Variants in LAMA1 observed in about 807,000 individuals in gnomAD.
LAMA1 encodes laminin subunit alpha 1.
Under a neutral mutation model 348.7 loss-of-function variants are expected in LAMA1, and 219 were observed. That is an observed-to-expected ratio of 0.63 (90% confidence interval 0.56 to 0.70). LAMA1 has a LOEUF of 0.70. Among genes scored for constraint, LAMA1 ranks in the 30% least tolerant of loss-of-function variants. The pLI, the probability that LAMA1 is intolerant of heterozygous loss-of-function variation, is 0.00. For missense variants in LAMA1, 3,744 were observed against 3,888.0 expected (o/e 0.96, Z 0.99); for synonymous variants, 1,487 against 1,491.0 (o/e 1.00, Z 0.06).
intron 1 of LAMA1, among the ~76,000 whole-genome samples, chr18:7,116,676 AAT>A (rs2058357759): frequency 6.6e-6 from 1 of 152,178 alleles, no homozygotes; most frequent in African/African-American, 2.4e-5. Context: ...GTTTTCAACA[AAT>A]ATTTGTGACT....
intron 16 of LAMA1, among the ~76,000 whole-genome samples, chr18:7,027,494 G>A (rs917328883): frequency 2.0e-4 from 31 of 151,470 alleles, no homozygotes; most frequent in African/African-American, 6.8e-4. Context: ...TAAAGAGCTG[G>A]GTTTTTTTTT....
chr18:7,018,763 G>C (rs80163436), intron 19 of LAMA1, among the ~76,000 whole-genome samples: 18,193 of 152,112 alleles, frequency 0.12, 1,228 homozygotes, highest in Middle Eastern at 0.18. Context: ...AACAATGTAA[G>C]AAAAAAGAGA....
At chr18:6,978,111 T>C (rs2057690997) in intron 43 of LAMA1, 85 bp downstream of exon 43, 13 of 1,557,320 alleles carry the variant, frequency 8.3e-6, no homozygotes, top group Non-Finnish European at 1.2e-5. Context: ...AGGAATGTTG[T>C]GAAAAACGCA....
chr18:7,040,609 TGTTAA>T (rs1444872871), intron 9 of LAMA1, among the ~76,000 whole-genome samples: 1 of 152,222 alleles, frequency 6.6e-6, no homozygotes, highest in African/African-American at 2.4e-5. Context: ...TTCTTCAAAA[TGTTAA>T]GTTATAGAGT....
At chr18:7,098,681 G>A (rs1284181568) in intron 1 of LAMA1, among the ~76,000 whole-genome samples, 2 of 150,066 alleles carry the variant, frequency 1.3e-5, no homozygotes, top group South Asian at 4.2e-4. Context: ...AGTGAGGAGC[G>A]TCTCCGCCCG....
intron 36 of LAMA1, among the ~76,000 whole-genome samples, chr18:6,992,153 A>G (rs900911493): frequency 1.3e-5 from 2 of 152,226 alleles, no homozygotes; most frequent in Non-Finnish European, 2.9e-5. Flanking sequence ...TATATAACTA[A>G]GCTCAATTAT....
intron 1 of LAMA1, among the ~76,000 whole-genome samples, chr18:7,102,573 T>C (rs546223771): frequency 5.3e-5 from 8 of 152,354 alleles, no homozygotes; most frequent in African/African-American, 1.9e-4. Context: ...TCTCTTTCTG[T>C]TGACGATGAT....
chr18:6,964,578 G>A lies in LAMA1; in HGVS notation c.7337+84C>T. 4.0e-6 allele frequency: 6 copies of A among 1,518,812 alleles called. No individual in the cohort carries two copies. In the South Asian group the frequency reaches 5.6e-5, roughly 14 times the overall value. The allele number at this position is 1,518,812 out of a possible 1,614,324, so 94.1% of individuals were successfully genotyped here. ...TAAATTAGTGTTGTTTAAGCCACCT[G>A]GTTTGTGATACAGTCCATTCTCAGC... is the stretch of plus-strand genomic sequence containing the variant. On this transcript the variant is annotated intron_variant, in intron 51 of 62. Transcript: ENST00000389658.
At chr18:7,092,626 G>GAA (rs35680760) in intron 1 of LAMA1, among the ~76,000 whole-genome samples, 9 of 115,752 alleles carry the variant, frequency 7.8e-5, no homozygotes, top group Non-Finnish European at 1.2e-4. Context: ...TCTGTCTCGG[G>GAA]AAAAAAAAAA....
intron 51 of LAMA1, among the ~76,000 whole-genome samples, chr18:6,964,454 T>C (rs1183876816): frequency 6.6e-6 from 1 of 152,140 alleles, no homozygotes; most frequent in Non-Finnish European, 1.5e-5. Context: ...GACCAGAAGC[T>C]AGGAGCATGG....
At chr18:7,063,825 C>T (rs1247901440) in intron 3 of LAMA1, among the ~76,000 whole-genome samples, 1 of 152,140 alleles carries the variant, frequency 6.6e-6, no homozygotes, top group African/African-American at 2.4e-5. Context: ...TAGACAAAAG[C>T]TGAATGGAGG....
chr18:7,059,186 G>C (rs1234506091), intron 3 of LAMA1, among the ~76,000 whole-genome samples: 1 of 152,126 alleles, frequency 6.6e-6, no homozygotes, highest in South Asian at 2.1e-4. Context: ...CACTGTGCCT[G>C]GCCAGTATAT....
chr18:7,010,852 T>C (rs2057856512), intron 25 of LAMA1, among the ~76,000 whole-genome samples: 1 of 152,204 alleles, frequency 6.6e-6, no homozygotes, highest in Non-Finnish European at 1.5e-5. Flanking sequence ...TCCCAGGCCA[T>C]AGCACCTAGG....
intron 19 of LAMA1, among the ~76,000 whole-genome samples, chr18:7,018,838 A>T (rs1230370766): frequency 1.3e-5 from 2 of 152,192 alleles, no homozygotes; most frequent in Non-Finnish European, 2.9e-5. Context: ...AGTGCTGGAC[A>T]TGGGACATGA....
rs572396437 is a variant in LAMA1, at chr18:7,044,598, G to T, written c.976+124C>A. On this transcript the variant is annotated intron_variant, in intron 7 of 62. Transcript: ENST00000389658. ...AAATTTTAAGGTCATCTGCAGCTTT[G>T]GAAACTACTTAAATTTCTAAGAAAA... 3 of 837,636 alleles carry T rather than the reference G, an allele frequency of 3.6e-6. No individual in the cohort carries two copies. In the South Asian group the frequency reaches 4.0e-5, roughly 11 times the overall value. 51.9% of individuals were successfully genotyped at this position (837,636 alleles called of 1,614,324 possible).
chr18:6,975,928 A>C lies in LAMA1; in HGVS notation c.6489+9T>G, dbSNP rs775118623. On this transcript the variant is annotated intron_variant, in intron 45 of 62. Transcript: ENST00000389658. ...ATTCAGTGTCGCTTTCCAAAGGTCCATAACTTACAGCGGTGCTGCTACCGA... is the reference window on the plus strand; with the variant it reads ...ATTCAGTGTCGCTTTCCAAAGGTCCCTAACTTACAGCGGTGCTGCTACCGA... The C allele has an allele frequency of 5.0e-6, 8 of 1,614,130 alleles. No individual in the cohort carries two copies. The highest frequency in any genetic ancestry group is 6.8e-6 in the Non-Finnish European group (8 of 1,180,034).
intron 49 of LAMA1, 30 bp from the exon 50 acceptor site, chr18:6,965,462 T>C: frequency 6.2e-7 from 1 of 1,613,382 alleles, no homozygotes; most frequent in Non-Finnish European, 8.5e-7. Context: ...GTTCCCCAGG[T>C]TATAGCTTTA....
intron 11 of LAMA1, chr18:7,038,514 G>A: frequency 4.5e-6 from 2 of 445,434 alleles, no homozygotes; most frequent in South Asian, 2.1e-5. Context: ...CGGGCGGAGG[G>A]AGAGCCGACC....
chr18:7,097,912 C>T (rs1184297346), intron 1 of LAMA1, among the ~76,000 whole-genome samples: 3 of 151,168 alleles, frequency 2.0e-5, no homozygotes, highest in South Asian at 2.1e-4. Context: ...CATGCTGAGC[C>T]GAAGCTGGAC....
Sources: allele counts gnomAD v4.1 joint callset (sites outside exome capture counted in the v4.1 genomes callset), GRCh38; gene constraint gnomAD v4.1.1; transcripts MANE v1.5; gene names NCBI Gene and HGNC (gene_info 2026-07-23, HGNC 2026-07-21).